The following PPP2R5C variants were observed in gnomAD, a reference collection of about 807,000 sequenced individuals.
PPP2R5C encodes serine/threonine-protein phosphatase 2A 56 kDa regulatory subunit gamma isoform.
In PPP2R5C, 7 loss-of-function variants were observed where a neutral mutation model predicts 68.9. The observed-to-expected ratio is 0.10, with a 90% CI of 0.06 to 0.19. The LOEUF (loss-of-function observed/expected upper bound fraction) is 0.19. PPP2R5C is among the 10% of genes least tolerant of loss of function. The pLI is 1.00. For missense variants in PPP2R5C, 348 were observed against 641.3 expected (o/e 0.54, Z 4.94); for synonymous variants, 210 against 222.2 (o/e 0.95, Z 0.49).
chr14:101,814,535 T>C (rs1195390058), intron 1 of PPP2R5C, among the ~76,000 whole-genome samples: 1 of 152,214 alleles, frequency 6.6e-6, no homozygotes, highest in East Asian at 1.9e-4. Flanking sequence ...ATCCATACGC[T>C]CTCAATCTCA....
intron 2 of PPP2R5C, among the ~76,000 whole-genome samples, chr14:101,767,875 G>A (rs1251107039): frequency 1.3e-5 from 2 of 152,140 alleles, no homozygotes; most frequent in Non-Finnish European, 2.9e-5. Context: ...GAGGCTTGAG[G>A]GAGTGGTGGG....
intron 2 of PPP2R5C, among the ~76,000 whole-genome samples, chr14:101,863,959 T>G (rs896090121): frequency 9.2e-5 from 14 of 151,746 alleles, no homozygotes; most frequent in African/African-American, 3.4e-4. Flanking sequence ...TCTCTGGGGG[T>G]GTGTTGCAGT....
intron 13 of PPP2R5C, among the ~76,000 whole-genome samples, chr14:101,918,154 G>A (rs551192629): frequency 3.9e-5 from 6 of 152,210 alleles, no homozygotes; most frequent in African/African-American, 1.4e-4. Context: ...GTATGTGCCT[G>A]AGATGTGTAT....
intron 2 of PPP2R5C, among the ~76,000 whole-genome samples, chr14:101,881,366 C>T (rs1423113414): frequency 6.6e-6 from 1 of 152,184 alleles, no homozygotes; most frequent in African/African-American, 2.4e-5. Context: ...CACCACTACA[C>T]TCCAACCTGG....
intron 8 of PPP2R5C, among the ~76,000 whole-genome samples, chr14:101,896,877 T>C (rs112742553): frequency 0.01 from 1,586 of 152,324 alleles, 31 homozygotes; most frequent in African/African-American, 0.036. Flanking sequence ...GTAATTTTTA[T>C]AGTGAAATTG....
intron 1 of PPP2R5C, chr14:101,839,087 C>T (rs2041300098): frequency 6.7e-6 from 1 of 149,110 alleles, no homozygotes; most frequent in African/African-American, 2.5e-5. Flanking sequence ...TGCGGTGGCT[C>T]ATGCCTGTAA....
chr14:101,761,312 C>T (rs926101483), upstream of PPP2R5C, among the ~76,000 whole-genome samples: 3 of 152,260 alleles, frequency 2.0e-5, no homozygotes, highest in African/African-American at 7.2e-5. Context: ...GTCTCACGCT[C>T]TGTCTTGCGC....
At chr14:101,880,526 T>C (rs776261590) in intron 2 of PPP2R5C, among the ~76,000 whole-genome samples, 83 of 152,334 alleles carry the variant, frequency 5.4e-4, no homozygotes, top group Non-Finnish European at 1.0e-3. Context: ...GCAGGTGCGG[T>C]GGCTCACGCC....
At chr14:101,927,633 TACATAC>T (rs1457021884) in exon 14 of PPP2R5C, 3 of 152,646 alleles carry the variant, frequency 2.0e-5, no homozygotes, top group Non-Finnish European at 4.4e-5. Flanking sequence ...TTTAATATTG[TACATAC>T]ATTGTATCTT....
intron 5 of PPP2R5C, among the ~76,000 whole-genome samples, chr14:101,886,709 TTTTTC>T (rs761421612): frequency 4.9e-4 from 75 of 152,096 alleles, no homozygotes; most frequent in Non-Finnish European, 8.2e-4. Context: ...CATCTAGGTT[TTTTTC>T]TTTTCTTTTC....
intron 2 of PPP2R5C, among the ~76,000 whole-genome samples, chr14:101,874,825 C>T (rs2043654514): frequency 6.6e-6 from 1 of 152,038 alleles, no homozygotes; most frequent in Admixed American, 6.5e-5. Context: ...CTGCAACCTC[C>T]ACCTCCCAAG....
chr14:101,815,421 A>G (rs2039597732), intron 1 of PPP2R5C, among the ~76,000 whole-genome samples: 2 of 152,132 alleles, frequency 1.3e-5, no homozygotes. Flanking sequence ...AAAGGTTTAC[A>G]TGCGTATGTT....
rs151290002 is a variant in PPP2R5C, at chr14:101,892,037, A to G, written c.690-963A>G. ...AGTGGCCCGATCTCAGCTCACTGCA[A>G]ACTCTGCCTCCCAGGTTCAAGCAAT... On this transcript the variant is annotated intron_variant, in intron 6 of 13. Transcript: ENST00000334743. Among the ~76,000 whole-genome samples the G allele has an allele frequency of 5.1e-4, 77 of 152,176 alleles. 1 individual carries two copies. The East Asian group carries it at 0.014, about 28-fold the overall frequency.
chr14:101,903,835 C>T (rs1224845507), intron 9 of PPP2R5C, among the ~76,000 whole-genome samples: 1 of 151,972 alleles, frequency 6.6e-6, no homozygotes, highest in Non-Finnish European at 1.5e-5. Context: ...GCCACCACAC[C>T]CAGCTAATTT....
chr14:101,884,089 G>T (rs546963335), intron 5 of PPP2R5C, among the ~76,000 whole-genome samples: 1 of 152,314 alleles, frequency 6.6e-6, no homozygotes, highest in South Asian at 2.1e-4. Flanking sequence ...AAGCCCAGGA[G>T]CCCCTGGCAA....
At position 101,915,961 on chromosome 14, in the gene PPP2R5C, C is replaced by T. The variant is rs557503348; in HGVS notation, c.1327-1870C>T. Among the ~76,000 whole-genome samples the T allele has an allele frequency of 1.8e-4, 28 of 152,198 alleles. No individual in the cohort carries two copies. Among genetic ancestry groups the T allele is most frequent in the Non-Finnish European group, 3.2e-4 (22 of 68,026 alleles). ...AGTCAGACTTGAGGGAAGGTGCCCGCGGCAGAGGTAGAGAAAAGCAGGGAC... is the reference window on the plus strand; with the variant it reads ...AGTCAGACTTGAGGGAAGGTGCCCGTGGCAGAGGTAGAGAAAAGCAGGGAC... On this transcript the variant is annotated intron_variant, in intron 12 of 13. Coordinates refer to ENST00000334743, the Ensembl canonical transcript of PPP2R5C. The surrounding 1 kb of genome is among the most constrained non-coding windows in gnomAD (Gnocchi z 4.2).
upstream of PPP2R5C, among the ~76,000 whole-genome samples, chr14:101,808,700 G>A (rs79413212): frequency 1.3e-5 from 2 of 152,164 alleles, no homozygotes; most frequent in African/African-American, 2.4e-5. Context: ...CTTCACAAGT[G>A]GGGGGAAGAG....
At chr14:101,890,174 G>A (rs1038386223) in intron 5 of PPP2R5C, 63 bp from the exon 8 acceptor site, 2 of 1,442,284 alleles carry the variant, frequency 1.4e-6, no homozygotes, top group Admixed American at 1.7e-5. Context: ...TCCTCCTAGA[G>A]CATTGTTTTC....
chr14:101,816,876 AT>A (rs2039712434), intron 1 of PPP2R5C, among the ~76,000 whole-genome samples: 1 of 136,550 alleles, frequency 7.3e-6, no homozygotes, highest in Non-Finnish European at 1.5e-5. Context: ...TTATTTATAT[AT>A]ATATTATATA....
Sources: allele counts gnomAD v4.1 joint callset (sites outside exome capture counted in the v4.1 genomes callset), GRCh38; gene constraint gnomAD v4.1.1; non-coding constraint Gnocchi (gnomAD v3.1); transcripts MANE v1.5; gene names NCBI Gene and HGNC (gene_info 2026-07-23, HGNC 2026-07-21).